Variants in POLR3A observed in about 807,000 individuals in gnomAD.
The protein encoded by POLR3A is RNA polymerase III subunit A.
Under a neutral mutation model 152.8 loss-of-function variants are expected in POLR3A, and 112 were observed. That is an observed-to-expected ratio of 0.73 (90% confidence interval 0.63 to 0.86). The LOEUF (loss-of-function observed/expected upper bound fraction) is 0.86. Among genes scored for constraint, POLR3A ranks in the 40% least tolerant of loss-of-function variants. The pLI, the probability that POLR3A is intolerant of heterozygous loss-of-function variation, is 0.00. For synonymous variants in POLR3A, 615 were observed against 652.1 expected, an observed-to-expected ratio of 0.94 and a Z score of 0.87; for missense variants, 1,385 against 1,743.1, an observed-to-expected ratio of 0.79 and a Z score of 3.66.
chr10:78,001,828 G>C (rs904065546), intron 17 of POLR3A, among the ~76,000 whole-genome samples: 1 of 151,534 alleles, frequency 6.6e-6, no homozygotes, highest in Non-Finnish European at 1.5e-5. Context: ...ATTTTTTGTA[G>C]AGATGGGGTT....
rs1847472914 is a variant in POLR3A, at chr10:78,012,215, T to G, written c.1572+1435A>C. ...CCCTGTCTCTACTAAGAGTACAAAATTAGCTGGGCATGGTGGCAGACGCCT... is the reference window on the plus strand; with the variant it reads ...CCCTGTCTCTACTAAGAGTACAAAAGTAGCTGGGCATGGTGGCAGACGCCT... On this transcript the variant is annotated intron_variant, in intron 11 of 30. Transcript: ENST00000372371. Among the ~76,000 whole-genome samples, 2 of 151,856 alleles carry G rather than the reference T, an allele frequency of 1.3e-5. 1 individual carries two copies. The highest frequency in any genetic ancestry group is 4.2e-4 in the South Asian group (2 of 4,814).
At chr10:78,010,103 C>CA (rs1847452304) in intron 12 of POLR3A, 112 bp from the exon 13 acceptor site, 1 of 1,366,874 alleles carries the variant, frequency 7.3e-7, no homozygotes, top group African/African-American at 1.4e-5. Context: ...TGAATTGAAA[C>CA]AAACAGCTGC....
At chr10:78,010,828 AC>A (rs1564620477) in intron 11 of POLR3A, among the ~76,000 whole-genome samples, 1 of 152,098 alleles carries the variant, frequency 6.6e-6, no homozygotes, top group Non-Finnish European at 1.5e-5. Flanking sequence ...GAAAAACTCT[AC>A]CCATGTAAGA....
At chr10:78,023,988 A>G (rs1225164130) in intron 5 of POLR3A, among the ~76,000 whole-genome samples, 1 of 152,016 alleles carries the variant, frequency 6.6e-6, no homozygotes, top group Non-Finnish European at 1.5e-5. Context: ...AAACAAAAGC[A>G]AAAACAAAAA....
At chr10:77,978,449 G>A (rs190710982) in intron 30 of POLR3A, among the ~76,000 whole-genome samples, 1,526 of 152,278 alleles carry the variant, frequency 0.01, 12 homozygotes, top group Non-Finnish European at 0.013. Flanking sequence ...AGGCAGTCAA[G>A]GAGACTGGTG....
rs201875398 is a variant in POLR3A at position 77,980,175 on chromosome 10, G to A, written c.3990C>T (p.Asp1330=). 5.8e-5 allele frequency: 94 copies of A among 1,613,946 alleles called. No individual in the cohort carries two copies. Among genetic ancestry groups the A allele is most frequent in the South Asian group, 4.2e-4 (38 of 91,084 alleles). The change falls in exon 30 of 31, where the codon GAC becomes GAT. Residue 1330 remains aspartate, a synonymous_variant. Coordinates refer to ENST00000372371, the MANE Select transcript of POLR3A (RefSeq NM_007055.4). Reference sequence around the variant, plus strand: ...AGTCCTTCTGCCCGAAGTAGGCAGCGTCAAAGAGATGGTCAGCCGTCTTCT... The same window carrying A: ...AGTCCTTCTGCCCGAAGTAGGCAGCATCAAAGAGATGGTCAGCCGTCTTCT... ...SFEKTADHLF[D]AAYFGQKDSV...
chr10:78,027,323 A>G (rs1451190633), intron 1 of POLR3A, among the ~76,000 whole-genome samples: 5 of 152,238 alleles, frequency 3.3e-5, no homozygotes, highest in African/African-American at 1.2e-4. Flanking sequence ...TGCAGGAGCT[A>G]AAGCATGAGG....
chr10:78,017,749 A>G (rs1391395967), intron 9 of POLR3A, 33 bp from the exon 10 acceptor site: 1 of 1,612,998 alleles, frequency 6.2e-7, no homozygotes, highest in Non-Finnish European at 8.5e-7. Context: ...GATCTGTGAA[A>G]GCAAAGTTCT....
At chr10:77,979,610 G>A (rs957263875) in intron 30 of POLR3A, among the ~76,000 whole-genome samples, 1 of 152,186 alleles carries the variant, frequency 6.6e-6, no homozygotes, top group Non-Finnish European at 1.5e-5. Flanking sequence ...TGGTGGACTC[G>A]ACAGCAAGCG....
chr10:78,018,176 A>G (rs1847543478), intron 9 of POLR3A, among the ~76,000 whole-genome samples: 1 of 151,514 alleles, frequency 6.6e-6, no homozygotes, highest in African/African-American at 2.4e-5. Flanking sequence ...ACATCAAAAA[A>G]AAAAAAAAAA....
At chr10:77,994,537 G>A (rs548569055) in intron 19 of POLR3A, among the ~76,000 whole-genome samples, 2 of 151,284 alleles carry the variant, frequency 1.3e-5, no homozygotes, top group Non-Finnish European at 2.9e-5. Flanking sequence ...TAGCCAATGC[G>A]ATCAACTGGA....
At chr10:77,985,566 A>G (rs962904952) in intron 23 of POLR3A, among the ~76,000 whole-genome samples, 13 of 152,272 alleles carry the variant, frequency 8.5e-5, no homozygotes. Context: ...TCAATTCTGC[A>G]TGGCTGCTTG....
In POLR3A at chr10:78,016,825, G is replaced by A. The variant is rs1242889679; in HGVS notation, c.1431+750C>T. ...AGGCGGTCAAAGCTGCAATGAGCCA[G>A]ACTGTGCCACTGCACTCCAGCCTGG... On this transcript the variant is annotated intron_variant, in intron 10 of 30. Coordinates refer to ENST00000372371, the MANE Select transcript of POLR3A (RefSeq NM_007055.4). 3.4e-5 allele frequency among the ~76,000 whole-genome samples: 5 copies of A among 145,444 alleles called. No individual in the cohort carries two copies. The Admixed American group carries it at 3.5e-4, about 10-fold the overall frequency.
rs773553000 is a variant in POLR3A at position 77,975,166 on chromosome 10, G to A, written c.*2312C>T. The A allele has an allele frequency of 6.6e-6, 1 of 152,178 alleles. No homozygotes were observed. The highest frequency in any genetic ancestry group is 6.5e-5 in the Admixed American group (1 of 15,272). The allele number at this position is 152,178 out of a possible 1,614,324, so 9.4% of individuals were successfully genotyped here. A position where few individuals can be genotyped will look rare whatever the true frequency, so the allele number is the denominator to read the frequency against. ...TTCATGGATGAGATGGAATTCACAC[G>A]TATTTTTATTTCTTCCAAGCAGGTA... is the stretch of plus-strand genomic sequence containing the variant. On this transcript the variant is annotated 3_prime_UTR_variant, in exon 31 of 31. Coordinates refer to ENST00000372371, the MANE Select transcript of POLR3A (RefSeq NM_007055.4).
chr10:78,003,349 T>G (rs1033956891), intron 16 of POLR3A, among the ~76,000 whole-genome samples: 1 of 152,236 alleles, frequency 6.6e-6, no homozygotes, highest in Non-Finnish European at 1.5e-5. Context: ...AACTTCCCAA[T>G]GCTTAAAGAG....
chr10:78,025,076 G>C lies in POLR3A; in HGVS notation c.385C>G (p.Leu129Val). ...QEEKKQFLDY[L>V]KRPGLTYLQK... Reference sequence around the variant, plus strand: ...AGGTAGGTCAGGCCGGGCCTCTTTAGATAGTCCAGAAACTGCTTCTTCTCC... The same window carrying C: ...AGGTAGGTCAGGCCGGGCCTCTTTACATAGTCCAGAAACTGCTTCTTCTCC... Residue 129 changes from leucine (L) to valine (V), a missense_variant, in exon 4 of 31, where the codon CTA (leucine) becomes GTA (valine). Leu to Val is a conservative substitution (Grantham distance 32, BLOSUM62 1). This residue lies in a region of POLR3A where 493 missense variants were observed against 647.5 expected (regional missense o/e 0.76). Coordinates refer to ENST00000372371, the MANE Select transcript of POLR3A (RefSeq NM_007055.4). 1 of 1,614,160 alleles carries C rather than the reference G, an allele frequency of 6.2e-7. No homozygotes were observed. Among genetic ancestry groups the C allele is most frequent in the Non-Finnish European group, 8.5e-7 (1 of 1,179,994 alleles).
At chr10:77,987,420 C>T (rs1026533857) in intron 21 of POLR3A, among the ~76,000 whole-genome samples, 6 of 152,046 alleles carry the variant, frequency 3.9e-5, no homozygotes, top group Admixed American at 2.0e-4. Context: ...AGTACAGATG[C>T]CCACACATGG....
chr10:78,027,757 C>A (rs187110999), intron 1 of POLR3A, among the ~76,000 whole-genome samples: 89 of 152,250 alleles, frequency 5.8e-4, no homozygotes, highest in Admixed American at 1.0e-3. Context: ...TGAGGTTTTA[C>A]CATATTGGCC....
chr10:78,021,614 G>A lies in POLR3A; in HGVS notation c.1117C>T (p.Pro373Ser), dbSNP rs755984949. The change falls in exon 8 of 31, where the codon CCC becomes TCC. Residue 373 changes from proline (P) to serine (S), a missense_variant. Physicochemically the swap from Pro to Ser is moderately conservative, Grantham distance 74. Around this residue, in one of 7 missense-constraint regions of POLR3A, gnomAD observed 493 missense variants for 647.5 expected, o/e 0.76. Coordinates refer to ENST00000372371, the MANE Select transcript of POLR3A (RefSeq NM_007055.4). The part of the protein sequence containing the change: ...FSGRTVISPD[P>S]NLRIDEVAVP... ...GCTACCTCATCAATCCGGAGGTTGG[G>A]GTCGGGCGAGATGACTGTTCTGCCA... The A allele has an allele frequency of 6.2e-7, 1 of 1,613,914 alleles. No homozygotes were observed. Among genetic ancestry groups the A allele is most frequent in the Non-Finnish European group, 8.5e-7 (1 of 1,179,950 alleles).
Sources: allele counts gnomAD v4.1 joint callset (sites outside exome capture counted in the v4.1 genomes callset), GRCh38; gene constraint gnomAD v4.1.1; regional missense constraint gnomAD v4.1.1; transcripts MANE v1.5; gene names NCBI Gene and HGNC (gene_info 2026-07-23, HGNC 2026-07-21).